Variants in MYLK4 observed in about 807,000 individuals in gnomAD.
MYLK4 encodes the protein myosin light chain kinase family member 4, also known as caMLCK like.
A neutral mutation model predicts 48.1 loss-of-function variants in MYLK4; 46 were observed. The ratio of observed to expected loss-of-function variants is 0.96; its 90% confidence interval spans 0.75 to 1.22. MYLK4 has a LOEUF of 1.22. Ranked by LOEUF, MYLK4 falls within the 50% of genes most tolerant of loss-of-function variation. The pLI, the probability that MYLK4 is intolerant of heterozygous loss-of-function variation, is 0.00. For synonymous variants in MYLK4, 170 were observed against 180.8 expected (o/e 0.94, Z 0.48); for missense variants, 451 against 486.1 (o/e 0.93, Z 0.68).
chr6:2,725,555 C>G (rs374531720), intron 2 of MYLK4, among the ~76,000 whole-genome samples: 1,213 of 89,248 alleles, frequency 0.014, 23 homozygotes, highest in African/African-American at 0.043. Flanking sequence ...AACAAAGAAA[C>G]AAAGAAAGAA....
At chr6:2,767,021 A>G in the MYLK4 span, among the ~76,000 whole-genome samples, 1 of 152,234 alleles carries the variant, frequency 6.6e-6, no homozygotes, top group Admixed American at 6.5e-5. Flanking sequence ...TGTATTTACA[A>G]AACTAACATA....
At chr6:2,765,860 C>G in the MYLK4 span, 1 of 1,441,374 alleles carries the variant, frequency 6.9e-7, no homozygotes, top group Non-Finnish European at 9.1e-7. Context: ...GAGCTCGGCG[C>G]TGAAGCAGCC....
Position 2,671,306 on chromosome 6 carries a change from T to A in MYLK4, c.1162A>T (p.Lys388Ter), listed in dbSNP as rs773149809. 2.2e-5 allele frequency: 35 copies of A among 1,614,062 alleles called. No individual in the cohort carries two copies. In the East Asian group the frequency reaches 7.8e-4, roughly 36 times the overall value. The change falls in exon 12 of 13, where the codon AAA becomes TAA. Residue 388 changes from lysine (K) to a stop codon, truncating the protein, a stop_gained. Transcript: ENST00000274643. LOFTEE classifies it high-confidence loss of function. The part of the protein sequence containing the change: ...RGSDAQDFVT[K>*] The stretch of plus-strand genomic sequence containing the variant: ...AAATGGCTGCCTCCTGTAGACTATT[T>A]GGTCACAAAGTCCTGGGCATCAGAG...
Position 2,673,792 on chromosome 6 carries a change from G to A in MYLK4, c.1119+1255C>T, listed in dbSNP as rs1352244687. On this transcript the variant is annotated intron_variant, in intron 11 of 12. Transcript: ENST00000274643. This position sits in a 1 kb window ranked among gnomAD's most constrained non-coding sequence, Gnocchi z 4.2. ...CAGAGAAGCCAGTTAGGAGGCTGCA[G>A]TCACTCAGGGGAGGCATGTCCCAGG... 6.6e-6 allele frequency among the ~76,000 whole-genome samples: 1 copy of A among 152,240 alleles called. No individual in the cohort carries two copies. The highest frequency in any genetic ancestry group is 1.5e-5 in the Non-Finnish European group (1 of 68,048).
chr6:2,697,983 G>A (rs1165252990), intron 2 of MYLK4, among the ~76,000 whole-genome samples: 1 of 152,186 alleles, frequency 6.6e-6, no homozygotes, highest in Admixed American at 6.5e-5. Flanking sequence ...CTGCCCTGGG[G>A]GCCATCTCAG....
At chr6:2,766,543 C>T in the MYLK4 span, 25 of 1,413,620 alleles carry the variant, frequency 1.8e-5, 1 homozygote, top group South Asian at 3.5e-4. Context: ...AAGAAGCCGC[C>T]TGCCTCTCCT....
At chr6:2,765,894 G>A in the MYLK4 span, 1 of 1,454,996 alleles carries the variant, frequency 6.9e-7, no homozygotes, top group Non-Finnish European at 9.0e-7. Context: ...GCAGCCGAGA[G>A]CAGCGAGGGC....
chr6:2,683,194 C>A, intron 6 of MYLK4, 32 bp from the exon 7 acceptor site: 1 of 1,613,214 alleles, frequency 6.2e-7, no homozygotes, highest in Non-Finnish European at 8.5e-7. Flanking sequence ...AACCCTCAGT[C>A]CCGATTTCCT....
intron 2 of MYLK4, among the ~76,000 whole-genome samples, chr6:2,740,894 G>C (rs569076135): frequency 6.6e-6 from 1 of 152,230 alleles, no homozygotes; most frequent in Non-Finnish European, 1.5e-5. Context: ...ACAGGGCAAA[G>C]ACCTGGAATA....
At chr6:2,748,748 T>A (rs1241770531) in intron 2 of MYLK4, among the ~76,000 whole-genome samples, 1 of 152,248 alleles carries the variant, frequency 6.6e-6, no homozygotes, top group Non-Finnish European at 1.5e-5. Context: ...ACAGCTCTGC[T>A]GTCTACCGCG....
In MYLK4 at chr6:2,717,942, C is replaced by T. The variant is rs544378434; in HGVS notation, c.160-25083G>A. ...ATGCCTGTAATCCCAGCACTTTGGG[C>T]GGCCGAGGCAGGCGGATCACCTGAG... On this transcript the variant is annotated intron_variant, in intron 2 of 12. Transcript: ENST00000274643. Among the ~76,000 whole-genome samples the T allele has an allele frequency of 1.7e-3, 257 of 152,176 alleles. 1 individual carries two copies. The highest frequency in any genetic ancestry group is 2.9e-3 in the Non-Finnish European group (195 of 67,992).
rs769252075 is a variant in MYLK4, at chr6:2,678,210, C to T, written c.1040+10G>A. On this transcript the variant is annotated intron_variant, in intron 10 of 12. Transcript: ENST00000274643. ...TACTGCGCCCGGAGCACAGGACGAA[C>T]TTGCGTTACCTCTTCTCCTTAATCA... The T allele has an allele frequency of 7.4e-6, 12 of 1,613,272 alleles. No individual in the cohort carries two copies. In the South Asian group the frequency reaches 1.3e-4, roughly 18 times the overall value.
At chr6:2,696,863 C>T (rs1354957822) in intron 2 of MYLK4, among the ~76,000 whole-genome samples, 1 of 152,118 alleles carries the variant, frequency 6.6e-6, no homozygotes, top group Non-Finnish European at 1.5e-5. Flanking sequence ...AGTTTGAGAC[C>T]AGCCCGGCCA....
rs529918125 is a variant in MYLK4, at chr6:2,723,060, G to C, written c.159+26076C>G. Among the ~76,000 whole-genome samples the C allele has an allele frequency of 1.5e-3, 227 of 152,254 alleles. 1 individual carries two copies. The highest frequency in any genetic ancestry group is 5.4e-3 in the African/African-American group (224 of 41,542). The stretch of plus-strand genomic sequence containing the variant: ...CGATCCCAGCACTTTGGGAGGCTGA[G>C]GGGGGAGGATTGCATGAGCTCAGGA... On this transcript the variant is annotated intron_variant, in intron 2 of 12. Transcript: ENST00000274643.
At chr6:2,687,287 C>T (rs1477790489) in intron 4 of MYLK4, among the ~76,000 whole-genome samples, 1 of 152,218 alleles carries the variant, frequency 6.6e-6, no homozygotes, top group Non-Finnish European at 1.5e-5. Flanking sequence ...ATTTTGAAGG[C>T]ATCCACGCAC....
At position 2,664,341 on chromosome 6, in the gene MYLK4, G is replaced by T. The variant is rs558898783; in HGVS notation, c.*3584C>A. ...CTGCAGCACACAGGGATGACAGGAC[G>T]GCCAGGGGACAGGAAAGAACCGAGT... On this transcript the variant is annotated 3_prime_UTR_variant, in exon 13 of 13. Coordinates refer to ENST00000274643, the MANE Select transcript of MYLK4 (RefSeq NM_001012418.5). 1 of 152,234 alleles carries T rather than the reference G, an allele frequency of 6.6e-6. No homozygotes were observed. Among genetic ancestry groups the T allele is most frequent in the African/African-American group, 2.4e-5 (1 of 41,454 alleles). 9.4% of individuals were successfully genotyped at this position (152,234 alleles called of 1,614,324 possible).
chr6:2,685,722 T>C lies in MYLK4; in HGVS notation c.342-146A>G. On this transcript the variant is annotated intron_variant, in intron 4 of 12. Transcript: ENST00000274643. The surrounding 1 kb of genome is among the most constrained non-coding windows in gnomAD (Gnocchi z 4.5). ...TTCAGTAAACTTCTAGAGCAGTATT[T>C]GTCAACATGTGGTGTGTGGATCACT... 1 of 660,774 alleles carries C rather than the reference T, an allele frequency of 1.5e-6. No individual in the cohort carries two copies. The highest frequency in any genetic ancestry group is 1.9e-5 in the South Asian group (1 of 53,748). The allele number at this position is 660,774 out of a possible 1,614,324, so 40.9% of individuals were successfully genotyped here.
upstream of MYLK4, among the ~76,000 whole-genome samples, chr6:2,751,181 C>T (rs1471748594): frequency 2.6e-5 from 4 of 152,162 alleles, no homozygotes; most frequent in Non-Finnish European, 5.9e-5. Flanking sequence ...CAATCATCTG[C>T]CTGGACCTTC....
the MYLK4 span, chr6:2,765,946 C>T: frequency 4.9e-6 from 7 of 1,440,346 alleles, no homozygotes; most frequent in East Asian, 3.0e-5. Flanking sequence ...CCGAGAGCCG[C>T]GAGAGCTACG....
Sources: allele counts gnomAD v4.1 joint callset (sites outside exome capture counted in the v4.1 genomes callset), GRCh38; gene constraint gnomAD v4.1.1; non-coding constraint Gnocchi (gnomAD v3.1); transcripts MANE v1.5; gene names NCBI Gene and HGNC (gene_info 2026-07-23, HGNC 2026-07-21).